Variants in KCNQ1 observed in about 807,000 individuals in gnomAD.
KCNQ1 encodes potassium voltage-gated channel subfamily Q member 1.
A neutral mutation model predicts 72.4 loss-of-function variants in KCNQ1; 49 were observed. The observed-to-expected ratio is 0.68, with a 90% CI of 0.54 to 0.86. The LOEUF (loss-of-function observed/expected upper bound fraction) is 0.86, where lower values mean the gene tolerates loss of function less well. KCNQ1 is among the 40% of genes least tolerant of loss of function. The probability of loss-of-function intolerance (pLI) is 0.00; values close to 1 mark genes in which losing one functional copy is unlikely to be tolerated. For synonymous variants in KCNQ1, 450 were observed against 412.6 expected, an observed-to-expected ratio of 1.09 and a Z score of -1.10; for missense variants, 790 against 945.1, an observed-to-expected ratio of 0.84 and a Z score of 2.15.
In KCNQ1 at chr11:2,526,847, A is replaced by G. The variant is rs1204611573; in HGVS notation, c.387-1081A>G. On this transcript the variant is annotated intron_variant, in intron 1 of 15. Transcript: ENST00000155840. This position sits in a 1 kb window ranked among gnomAD's most constrained non-coding sequence, Gnocchi z 6.1. ...TCAGGGAGCGGAGGGAGCCTGGGGC[A>G]CCCTATGCCAGGCAGAGGATCTATG... 6.6e-6 allele frequency among the ~76,000 whole-genome samples: 1 copy of G among 151,818 alleles called. No individual in the cohort carries two copies. The highest frequency in any genetic ancestry group is 2.4e-5 in the African/African-American group (1 of 41,286).
chr11:2,604,275 C>T (rs1021653159), intron 10 of KCNQ1, among the ~76,000 whole-genome samples: 8 of 151,220 alleles, frequency 5.3e-5, no homozygotes, highest in African/African-American at 1.7e-4. Context: ...GTCAGGAGTT[C>T]GAGACCAGCC....
Position 2,544,265 on chromosome 11 carries a change from T to TATATATATAC in KCNQ1, c.477+16247_477+16248insATATATATAC, listed in dbSNP as rs1847868660. 6.8e-5 allele frequency among the ~76,000 whole-genome samples: 9 copies of TATATATATAC among 131,792 alleles called. No homozygotes were observed. Among genetic ancestry groups the TATATATATAC allele is most frequent in the African/African-American group, 2.1e-4 (7 of 33,040 alleles). 86.5% of individuals were successfully genotyped at this position (131,792 alleles called of 152,430 possible). On this transcript the variant is annotated intron_variant, in intron 2 of 15. Coordinates refer to ENST00000155840, the MANE Select transcript of KCNQ1 (RefSeq NM_000218.3). The surrounding 1 kb of genome is among the most constrained non-coding windows in gnomAD (Gnocchi z 4.4). ...GTGTGTGTGTATATATATATGTGTGTGTGTGTATATATATGTGTATATATA... is the reference window on the plus strand; with the variant it reads ...GTGTGTGTGTATATATATATGTGTGTATATATATACGTGTGTATATATATGTGTATATATA...
In KCNQ1 at chr11:2,664,406, G is replaced by A; in HGVS notation, c.1514+2325G>A. ...TCCAGAGAGGCCTGAAGGGGAGAGT[G>A]GGCACGTACAGTGTCAGGGCCTAGG... On this transcript the variant is annotated intron_variant, in intron 11 of 15. Transcript: ENST00000155840. The surrounding 1 kb of genome is among the most constrained non-coding windows in gnomAD (Gnocchi z 5.1). 2.5e-6 allele frequency: 1 copy of A among 398,668 alleles called. No homozygotes were observed. The highest frequency in any genetic ancestry group is 4.4e-6 in the Non-Finnish European group (1 of 226,110). The allele number at this position is 398,668 out of a possible 1,614,324, so 24.7% of individuals were successfully genotyped here. A position where few individuals can be genotyped will look rare whatever the true frequency, so the allele number is the denominator to read the frequency against.
At chr11:2,763,075 C>A (rs1175054564) in intron 11 of KCNQ1, among the ~76,000 whole-genome samples, 1 of 152,086 alleles carries the variant, frequency 6.6e-6, no homozygotes, top group African/African-American at 2.4e-5. Context: ...AATAAACAAA[C>A]AAACAAAAAG....
At position 2,549,969 on chromosome 11, in the gene KCNQ1, C is replaced by T. The variant is rs1847958318; in HGVS notation, c.478-20659C>T. ...AGGAGCAGGAAGGGAGCCAGCTCCA[C>T]CTCCAGTAGACCCAGAGACGGGGAG... On this transcript the variant is annotated intron_variant, in intron 2 of 15. Transcript: ENST00000155840. This position sits in a 1 kb window ranked among gnomAD's most constrained non-coding sequence, Gnocchi z 6.2. Among the ~76,000 whole-genome samples, 1 of 152,136 alleles carries T rather than the reference C, an allele frequency of 6.6e-6. No individual in the cohort carries two copies. The highest frequency in any genetic ancestry group is 1.5e-5 in the Non-Finnish European group (1 of 68,010).
intron 1 of KCNQ1, chr11:2,461,367 G>A (rs376769589): frequency 1.0e-5 from 12 of 1,201,234 alleles, no homozygotes; most frequent in Middle Eastern, 7.4e-4. Context: ...CTCTGTCCGG[G>A]AAGGGAACCT....
chr11:2,700,350 C>T (rs1006408059), intron 11 of KCNQ1, among the ~76,000 whole-genome samples: 1 of 152,146 alleles, frequency 6.6e-6, no homozygotes, highest in African/African-American at 2.4e-5. Context: ...GAGACACGGG[C>T]CAGTTCTCTG....
rs1037833480 is a variant in KCNQ1, at chr11:2,658,418, T to G, written c.1394-3543T>G. ...TTATTTATTTTGTTGCTCAAATTGTTCAAGCTGTGGCCACTGGTGGGTTCA... is the reference window on the plus strand; with the variant it reads ...TTATTTATTTTGTTGCTCAAATTGTGCAAGCTGTGGCCACTGGTGGGTTCA... On this transcript the variant is annotated intron_variant, in intron 10 of 15. Transcript: ENST00000155840. This position sits in a 1 kb window ranked among gnomAD's most constrained non-coding sequence, Gnocchi z 4.9. 3 of 398,486 alleles carry G rather than the reference T, an allele frequency of 7.5e-6. No homozygotes were observed. The highest frequency in any genetic ancestry group is 6.2e-5 in the African/African-American group (3 of 48,620). 24.7% of individuals were successfully genotyped at this position (398,486 alleles called of 1,614,324 possible).
intron 15 of KCNQ1, among the ~76,000 whole-genome samples, chr11:2,819,485 A>G (rs1170585038): frequency 6.6e-6 from 1 of 152,234 alleles, no homozygotes; most frequent in African/African-American, 2.4e-5. Context: ...CCTTCCTGAC[A>G]TTGAACCTTC....
intron 11 of KCNQ1, among the ~76,000 whole-genome samples, chr11:2,722,660 C>T (rs775880112): frequency 6.6e-6 from 1 of 152,076 alleles, no homozygotes; most frequent in African/African-American, 2.4e-5. Flanking sequence ...AGTGGCGGAC[C>T]GAGAGTGCTT....
Position 2,714,094 on chromosome 11 carries a change from C to T in KCNQ1, c.1514+52013C>T, listed in dbSNP as rs550141088. On this transcript the variant is annotated intron_variant, in intron 11 of 15. Transcript: ENST00000155840. ...CAAGGATGCGGGCCAGGACTCTTTC[C>T]GAGCCTCTCCTGTTGCTGGGGCCTG... 5.3e-5 allele frequency among the ~76,000 whole-genome samples: 8 copies of T among 152,326 alleles called. No homozygotes were observed. In the South Asian group the frequency reaches 1.2e-3, roughly 24 times the overall value.
At chr11:2,534,012 C>T (rs1347951023) in intron 2 of KCNQ1, among the ~76,000 whole-genome samples, 3 of 152,210 alleles carry the variant, frequency 2.0e-5, no homozygotes, top group African/African-American at 2.4e-5. Context: ...TCCCTCCGCC[C>T]CGCCCGGTGG....
At position 2,583,564 on chromosome 11, in the gene KCNQ1, C is replaced by T. The variant is rs1022506638; in HGVS notation, c.1032+19C>T. 9 of 1,559,340 alleles carry T rather than the reference C, an allele frequency of 5.8e-6. No homozygotes were observed. The highest frequency in any genetic ancestry group is 8.0e-6 in the Non-Finnish European group (9 of 1,130,238). On this transcript the variant is annotated intron_variant, in intron 7 of 15. Transcript: ENST00000155840. The stretch of plus-strand genomic sequence containing the variant: ...CCCAGCGGTAGGTGCCCCGTGGGTG[C>T]GTTTTCCCTGGCTCCTTGGACAGCT...
At chr11:2,844,481 C>G (rs367720428) in intron 15 of KCNQ1, among the ~76,000 whole-genome samples, 208 of 152,330 alleles carry the variant, frequency 1.4e-3, no homozygotes, top group African/African-American at 4.7e-3. Flanking sequence ...CATGGGCTGA[C>G]GCTGGCCCAG....
intron 11 of KCNQ1, among the ~76,000 whole-genome samples, chr11:2,707,792 C>T (rs960817117): frequency 5.9e-5 from 9 of 152,206 alleles, no homozygotes; most frequent in Non-Finnish European, 1.0e-4. Flanking sequence ...ACCTGGGTAT[C>T]CTGGAGCCAG....
At chr11:2,728,857 C>T (rs531644682) in intron 11 of KCNQ1, among the ~76,000 whole-genome samples, 41 of 152,338 alleles carry the variant, frequency 2.7e-4, no homozygotes, top group African/African-American at 9.6e-4. Context: ...CCACCAGAAA[C>T]TTAATCTATT....
chr11:2,504,955 A>AG (rs1847079284), intron 1 of KCNQ1, among the ~76,000 whole-genome samples: 1 of 152,160 alleles, frequency 6.6e-6, no homozygotes, highest in African/African-American at 2.4e-5. Flanking sequence ...TATGGGTATC[A>AG]ATTTTTCTGT....
intron 1 of KCNQ1, among the ~76,000 whole-genome samples, chr11:2,503,052 T>C (rs1847043057): frequency 6.6e-6 from 1 of 152,180 alleles, no homozygotes; most frequent in African/African-American, 2.4e-5. Context: ...AATTCAAGAA[T>C]TAAATCTAAG....
intron 11 of KCNQ1, chr11:2,699,892 C>T (rs942446677): frequency 2.3e-5 from 9 of 397,792 alleles, no homozygotes; most frequent in African/African-American, 4.1e-5. Flanking sequence ...GGGAGGACCA[C>T]GCTGAGAGGC....
Sources: gnomAD v4.1 joint callset for allele counts (sites outside exome capture counted in the v4.1 genomes callset) on GRCh38, gnomAD v4.1.1 for gene constraint, Gnocchi (gnomAD v3.1) non-coding constraint, MANE v1.5 for transcripts, NCBI Gene and HGNC (gene_info 2026-07-23, HGNC 2026-07-21) for gene names.